RNF115: variants seen among roughly 807,000 people sequenced by gnomAD.
The protein encoded by RNF115 is E3 ubiquitin-protein ligase RNF115.
In RNF115, 31 loss-of-function variants were observed where a neutral mutation model predicts 39.2. The observed-to-expected ratio is 0.79, with a 90% CI of 0.59 to 1.07. The LOEUF (loss-of-function observed/expected upper bound fraction) is 1.07, where lower values mean the gene tolerates loss of function less well. RNF115 is among the 50% of genes least tolerant of loss of function. RNF115 has a pLI of 0.00. For missense variants in RNF115, 384 were observed against 381.7 expected, an observed-to-expected ratio of 1.01 and a Z score of -0.05; for synonymous variants, 124 against 131.0, an observed-to-expected ratio of 0.95 and a Z score of 0.37.
intron 4 of RNF115, among the ~76,000 whole-genome samples, chr1:145,764,750 G>A (rs587675437): frequency 3.3e-5 from 5 of 149,804 alleles, no homozygotes; most frequent in Admixed American, 6.8e-5. Context: ...CATCCAGGAG[G>A]GAGGTGGGGG....
chr1:145,793,100 C>T (rs1648753171), intron 1 of RNF115, among the ~76,000 whole-genome samples: 1 of 152,198 alleles, frequency 6.6e-6, no homozygotes, highest in South Asian at 2.1e-4. Flanking sequence ...AGGAAGATTG[C>T]TAGAGCTCAG....
At chr1:145,812,888 T>G (rs1553722904) in intron 1 of RNF115, among the ~76,000 whole-genome samples, 1 of 147,552 alleles carries the variant, frequency 6.8e-6, no homozygotes, top group African/African-American at 2.5e-5. Flanking sequence ...CCCAAAGTGC[T>G]GGGATTACAG....
intron 4 of RNF115, among the ~76,000 whole-genome samples, chr1:145,760,064 C>A (rs1553713651): frequency 1.3e-5 from 2 of 152,186 alleles, no homozygotes; most frequent in Non-Finnish European, 2.9e-5. Flanking sequence ...CGAGGGCAGT[C>A]ATTCTTGACT....
chr1:145,791,045 G>A (rs1274232961), intron 1 of RNF115, among the ~76,000 whole-genome samples: 2 of 151,994 alleles, frequency 1.3e-5, no homozygotes, highest in African/African-American at 4.8e-5. Context: ...GGGAGGCTGA[G>A]GCAGGAGAAC....
At position 145,745,031 on chromosome 1, in the gene RNF115, T is replaced by C. The variant is rs1444638528; in HGVS notation, c.*1835A>G. 1 of 152,170 alleles carries C rather than the reference T, an allele frequency of 6.6e-6. No individual in the cohort carries two copies. Among genetic ancestry groups the C allele is most frequent in the Non-Finnish European group, 1.5e-5 (1 of 68,042 alleles). 9.4% of individuals were successfully genotyped at this position (152,170 alleles called of 1,614,324 possible). On this transcript the variant is annotated 3_prime_UTR_variant, in exon 9 of 9. Transcript: ENST00000582693. ...AAGGAGAAAAGGAAAGTTTCAGAGA[T>C]GAAAAATAGGCTTAAAAATTAAAAT...
chr1:145,819,917 A>G (rs1650159704), intron 1 of RNF115, among the ~76,000 whole-genome samples: 2 of 152,098 alleles, frequency 1.3e-5, no homozygotes, highest in African/African-American at 4.8e-5. Context: ...GCAAACCTGT[A>G]ATCCCAGGTA....
In RNF115 at chr1:145,777,029, G is replaced by A. The variant is rs587647211; in HGVS notation, c.220-5110C>T. Among the ~76,000 whole-genome samples the A allele has an allele frequency of 3.1e-4, 47 of 152,210 alleles. 1 individual carries two copies. The South Asian group carries it at 6.0e-3, about 19-fold the overall frequency. On this transcript the variant is annotated intron_variant, in intron 3 of 8. Transcript: ENST00000582693. ...AATTCTCTTGACCCAAAATTCCAAA[G>A]TAAACACGACATTTAAAAACCTAAA...
chr1:145,801,152 A>G, intron 1 of RNF115, among the ~76,000 whole-genome samples: 1 of 152,218 alleles, frequency 6.6e-6, no homozygotes, highest in Admixed American at 6.5e-5. Context: ...GCCTGGGCAC[A>G]GCGCAGAGCG....
Position 145,784,452 on chromosome 1 carries a change from T to A in RNF115, c.219+87A>T, listed in dbSNP as rs1472335843. The A allele has an allele frequency of 6.0e-6, 7 of 1,170,698 alleles. No homozygotes were observed. In the African/African-American group the frequency reaches 9.1e-5, roughly 15 times the overall value. 72.5% of individuals were successfully genotyped at this position (1,170,698 alleles called of 1,614,324 possible). On this transcript the variant is annotated intron_variant, in intron 3 of 8. Coordinates refer to ENST00000582693, the MANE Select transcript of RNF115 (RefSeq NM_014455.4). ...TTATACATTCAGTTAAACTCTGATG[T>A]TGTGCCACACTGGAAAGTTAGTATC...
At chr1:145,812,583 G>A (rs1416676167) in intron 1 of RNF115, among the ~76,000 whole-genome samples, 4 of 151,500 alleles carry the variant, frequency 2.6e-5, no homozygotes, top group African/African-American at 7.3e-5. Flanking sequence ...TTGCTTGAAC[G>A]TGGGAGGCGG....
chr1:145,754,429 C>A (rs1274427688), intron 4 of RNF115, among the ~76,000 whole-genome samples: 1 of 152,064 alleles, frequency 6.6e-6, no homozygotes, highest in Admixed American at 6.5e-5. Context: ...TCTCAGCTCA[C>A]TGCAACCTCC....
intron 3 of RNF115, chr1:145,772,851 G>A (rs587744223): frequency 7.2e-5 from 11 of 152,160 alleles, no homozygotes; most frequent in Non-Finnish European, 1.2e-4. Flanking sequence ...TGATATATAT[G>A]TTGGTATCCC....
In RNF115 at chr1:145,744,006, T is replaced by A; in HGVS notation, c.*2860A>T. On this transcript the variant is annotated 3_prime_UTR_variant, in exon 9 of 9. Coordinates refer to ENST00000582693, the MANE Select transcript of RNF115 (RefSeq NM_014455.4). ...CAAAAAAAGTGAAGAAAACTTCATGTAACTTTGTCTGATGCTGTTTGCTAT... is the reference window on the plus strand; with the variant it reads ...CAAAAAAAGTGAAGAAAACTTCATGAAACTTTGTCTGATGCTGTTTGCTAT... 1 of 152,720 alleles carries A rather than the reference T, an allele frequency of 6.5e-6. No homozygotes were observed. Among genetic ancestry groups the A allele is most frequent in the East Asian group, 1.8e-4 (1 of 5,422 alleles). The allele number at this position is 152,720 out of a possible 1,614,324, so 9.5% of individuals were successfully genotyped here. A position where few individuals can be genotyped will look rare whatever the true frequency, so the allele number is the denominator to read the frequency against.
intron 2 of RNF115, chr1:145,786,911 T>C: frequency 2.2e-6 from 1 of 452,834 alleles, no homozygotes; most frequent in Non-Finnish European, 4.0e-6. Flanking sequence ...GACATTTAAC[T>C]GTATCAAAAT....
Position 145,740,542 on chromosome 1 carries a change from T to C in RNF115, c.*6324A>G, listed in dbSNP as rs927369299. The C allele has an allele frequency of 6.6e-6, 1 of 152,424 alleles. No homozygotes were observed. Among genetic ancestry groups the C allele is most frequent in the Admixed American group, 6.5e-5 (1 of 15,296 alleles). The allele number at this position is 152,424 out of a possible 1,614,324, so 9.4% of individuals were successfully genotyped here. ...CTTCAAATAAGCCTACAAATTTTCA[T>C]GCATAATAGGTGGTTTTCTGGACAC... is the stretch of plus-strand genomic sequence containing the variant. On this transcript the variant is annotated 3_prime_UTR_variant, in exon 9 of 9. Transcript: ENST00000582693.
At chr1:145,822,065 G>A (rs868985417) in intron 1 of RNF115, among the ~76,000 whole-genome samples, 6,003 of 150,180 alleles carry the variant, frequency 0.04, no homozygotes, top group African/African-American at 0.14. Context: ...AGTGGCTCAC[G>A]CCTGTAATCC....
At chr1:145,764,096 G>T (rs1404939248) in intron 4 of RNF115, among the ~76,000 whole-genome samples, 1 of 152,166 alleles carries the variant, frequency 6.6e-6, no homozygotes, top group African/African-American at 2.4e-5. Context: ...GTATTTTTTT[G>T]GTGGAGACTG....
intron 3 of RNF115, 41 bp from the exon 4 acceptor site, chr1:145,771,960 A>G: frequency 1.3e-6 from 2 of 1,496,146 alleles, no homozygotes; most frequent in Non-Finnish European, 1.9e-6. Flanking sequence ...AGAAAAATCA[A>G]TCAATAAACA....
At chr1:145,821,457 C>CTT (rs1172613737) in intron 1 of RNF115, among the ~76,000 whole-genome samples, 3 of 47,496 alleles carry the variant, frequency 6.3e-5, no homozygotes, top group African/African-American at 1.7e-4. Flanking sequence ...TCTTCTCACT[C>CTT]TTTTTTTTTT....
Sources: allele counts gnomAD v4.1 joint callset (sites outside exome capture counted in the v4.1 genomes callset), GRCh38; gene constraint gnomAD v4.1.1; transcripts MANE v1.5; gene names NCBI Gene and HGNC (gene_info 2026-07-23, HGNC 2026-07-21).